CDH12: variants seen among roughly 807,000 people sequenced by gnomAD.
CDH12 encodes the protein cadherin 12, also known as cadherin-12.
Under a neutral mutation model 74.1 loss-of-function variants are expected in CDH12, and 41 were observed. That is an observed-to-expected ratio of 0.55 (90% CI 0.43 to 0.72). The LOEUF (loss-of-function observed/expected upper bound fraction) is 0.72. Ranked by LOEUF, CDH12 falls within the 30% of genes least tolerant of loss-of-function variation. CDH12 has a pLI of 0.00. For missense variants in CDH12, 945 were observed against 977.2 expected, an observed-to-expected ratio of 0.97 and a Z score of 0.44; for synonymous variants, 399 against 355.0, an observed-to-expected ratio of 1.12 and a Z score of -1.39.
intron 3 of CDH12, among the ~76,000 whole-genome samples, chr5:22,269,319 T>C (rs374817764): frequency 1.3e-5 from 2 of 152,148 alleles, no homozygotes; most frequent in South Asian, 2.1e-4. Flanking sequence ...CCAAAATCCA[T>C]TGTTATCAGT....
At chr5:21,980,772 C>G (rs1757272318) in intron 5 of CDH12, among the ~76,000 whole-genome samples, 1 of 152,100 alleles carries the variant, frequency 6.6e-6, no homozygotes, top group Non-Finnish European at 1.5e-5. Flanking sequence ...TATTATAGCT[C>G]TGCAAATTAC....
chr5:22,252,514 C>A (rs899788726), intron 3 of CDH12, among the ~76,000 whole-genome samples: 1 of 151,910 alleles, frequency 6.6e-6, no homozygotes, highest in East Asian at 1.9e-4. Context: ...GCATCGTTAA[C>A]CATCCAAATA....
At chr5:21,778,639 A>G (rs1745738552) in intron 11 of CDH12, among the ~76,000 whole-genome samples, 1 of 151,758 alleles carries the variant, frequency 6.6e-6, no homozygotes, top group African/African-American at 2.4e-5. Flanking sequence ...CCTGGAATTC[A>G]GCATAATTTG....
At chr5:22,423,726 G>A (rs1743757168) in intron 2 of CDH12, among the ~76,000 whole-genome samples, 1 of 152,032 alleles carries the variant, frequency 6.6e-6, no homozygotes, top group Non-Finnish European at 1.5e-5. Flanking sequence ...ATGACTGGCC[G>A]GGCGCAGCGG....
At chr5:22,423,206 T>TTA (rs759836080) in intron 2 of CDH12, among the ~76,000 whole-genome samples, 3 of 121,440 alleles carry the variant, frequency 2.5e-5, no homozygotes, top group Admixed American at 8.4e-5. Context: ...GTAAACACAG[T>TTA]AAAAAAAAAA....
chr5:22,055,828 C>A (rs1268578594), intron 5 of CDH12, among the ~76,000 whole-genome samples: 1 of 151,864 alleles, frequency 6.6e-6, no homozygotes, highest in Non-Finnish European at 1.5e-5. Context: ...ATATTGAATG[C>A]CCCATATAAT....
Position 22,322,971 on chromosome 5 carries a change from C to T in CDH12, c.-333+82286G>A, listed in dbSNP as rs537521792. On this transcript the variant is annotated intron_variant, in intron 3 of 14. Transcript: ENST00000382254. The stretch of plus-strand genomic sequence containing the variant: ...CTTATCAATCACCCTAAAAGTGCAA[C>T]CAATCTGTATATTTGGCTCCCAGTT... 2.0e-5 allele frequency among the ~76,000 whole-genome samples: 3 copies of T among 152,204 alleles called. No individual in the cohort carries two copies. In the South Asian group the frequency reaches 6.2e-4, roughly 32 times the overall value.
At chr5:22,147,252 A>G (rs963176221) in intron 4 of CDH12, among the ~76,000 whole-genome samples, 1 of 152,090 alleles carries the variant, frequency 6.6e-6, no homozygotes, top group Non-Finnish European at 1.5e-5. Context: ...TTTCGTTTTT[A>G]TCTTGAGGAT....
chr5:22,455,022 T>G (rs1413312464), intron 2 of CDH12, among the ~76,000 whole-genome samples: 1 of 152,164 alleles, frequency 6.6e-6, no homozygotes, highest in African/African-American at 2.4e-5. Flanking sequence ...AAATGATACC[T>G]GAGAGGTAAA....
At chr5:22,617,490 G>A (rs1737751026) in intron 1 of CDH12, among the ~76,000 whole-genome samples, 1 of 152,116 alleles carries the variant, frequency 6.6e-6, no homozygotes, top group Non-Finnish European at 1.5e-5. Flanking sequence ...CTTTATTCAT[G>A]AGGTTTCCAT....
At chr5:22,637,744 A>C (rs1738916943) in intron 1 of CDH12, among the ~76,000 whole-genome samples, 1 of 152,250 alleles carries the variant, frequency 6.6e-6, no homozygotes, top group Non-Finnish European at 1.5e-5. Context: ...AAAAGTCTCA[A>C]TCATCAAAGC....
intron 1 of CDH12, among the ~76,000 whole-genome samples, chr5:22,820,923 C>T (rs909938350): frequency 6.6e-6 from 1 of 152,230 alleles, no homozygotes; most frequent in Non-Finnish European, 1.5e-5. Context: ...CTGGCAGAGA[C>T]ACAACCAAAA....
chr5:22,822,295 G>A (rs867147648), intron 1 of CDH12, among the ~76,000 whole-genome samples: 3 of 152,058 alleles, frequency 2.0e-5, no homozygotes, highest in African/African-American at 7.2e-5. Flanking sequence ...GAAAACCTAG[G>A]CAATACCATT....
In CDH12 at chr5:22,217,868, T is replaced by C. The variant is rs767700571; in HGVS notation, c.-332-5225A>G. The stretch of plus-strand genomic sequence containing the variant: ...TTTTGGAGAGTCAGAAAAGCAGTGG[T>C]AGGGTAGAGTGGAATGTGGAAAGAT... On this transcript the variant is annotated intron_variant, in intron 3 of 14. Transcript: ENST00000382254. 2.6e-4 allele frequency among the ~76,000 whole-genome samples: 39 copies of C among 151,582 alleles called. 1 individual carries two copies. Among genetic ancestry groups the C allele is most frequent in the Non-Finnish European group, 1.3e-4 (9 of 67,674 alleles).
intron 1 of CDH12, among the ~76,000 whole-genome samples, chr5:22,771,566 T>G (rs80067697): frequency 0.04 from 6,135 of 152,186 alleles, 293 homozygotes; most frequent in East Asian, 0.17. Context: ...TATTTTTATT[T>G]ATTCCTTTAG....
intron 4 of CDH12, among the ~76,000 whole-genome samples, chr5:22,086,829 GA>G (rs1295993509): frequency 2.0e-5 from 3 of 152,110 alleles, no homozygotes; most frequent in Non-Finnish European, 4.4e-5. Flanking sequence ...TCTTTAAGGA[GA>G]AAAGAAATCG....
At chr5:21,925,281 C>A (rs1009893100) in intron 6 of CDH12, among the ~76,000 whole-genome samples, 2 of 152,122 alleles carry the variant, frequency 1.3e-5, no homozygotes, top group South Asian at 2.1e-4. Context: ...CTAAAGGAAA[C>A]TGCTTTTCAA....
At chr5:22,828,558 A>C (rs1334813242) in intron 1 of CDH12, among the ~76,000 whole-genome samples, 2 of 152,198 alleles carry the variant, frequency 1.3e-5, no homozygotes, top group Non-Finnish European at 2.9e-5. Context: ...CAGTGACTGA[A>C]TCCAATAACA....
chr5:22,283,851 A>G (rs1737023189), intron 3 of CDH12, among the ~76,000 whole-genome samples: 1 of 152,164 alleles, frequency 6.6e-6, no homozygotes, highest in African/African-American at 2.4e-5. Context: ...ATGTATGTGT[A>G]TATTAAAACA....
Sources: gnomAD v4.1 joint callset for allele counts (sites outside exome capture counted in the v4.1 genomes callset) on GRCh38, gnomAD v4.1.1 for gene constraint, MANE v1.5 for transcripts, NCBI Gene and HGNC (gene_info 2026-07-23, HGNC 2026-07-21) for gene names.